PRKAR1B: variants seen among roughly 807,000 people sequenced by gnomAD.
PRKAR1B encodes protein kinase cAMP-dependent type I regulatory subunit beta.
A neutral mutation model predicts 46.5 loss-of-function variants in PRKAR1B; 22 were observed. That is an observed-to-expected ratio of 0.47 (90% CI 0.34 to 0.68). The LOEUF (loss-of-function observed/expected upper bound fraction) is 0.68, where lower values mean the gene tolerates loss of function less well. Ranked by LOEUF, PRKAR1B falls within the 30% of genes least tolerant of loss-of-function variation. The probability of loss-of-function intolerance (pLI) is 0.01; values close to 1 mark genes in which losing one functional copy is unlikely to be tolerated. For synonymous variants in PRKAR1B, 259 were observed against 217.7 expected, an observed-to-expected ratio of 1.19 and a Z score of -1.67; for missense variants, 445 against 535.6, an observed-to-expected ratio of 0.83 and a Z score of 1.67.
intron 8 of PRKAR1B, among the ~76,000 whole-genome samples, chr7:583,535 TCA>T (rs1234269385): frequency 1.1e-4 from 12 of 107,868 alleles, no homozygotes; most frequent in South Asian, 2.8e-4. Context: ...ACACACCCAC[TCA>T]CACACGTGCC....
intron 2 of PRKAR1B, among the ~76,000 whole-genome samples, chr7:693,132 C>T (rs1779530095): frequency 1.3e-5 from 2 of 151,882 alleles, no homozygotes; most frequent in Non-Finnish European, 2.9e-5. Flanking sequence ...ACAGGGTTTC[C>T]CCATGTTGGC....
chr7:558,452 A>T (rs1778588377), intron 9 of PRKAR1B, among the ~76,000 whole-genome samples: 1 of 151,810 alleles, frequency 6.6e-6, no homozygotes, highest in Admixed American at 6.6e-5. Flanking sequence ...GGCAGGTATG[A>T]CTTTGATCAG....
chr7:642,586 G>A (rs1287240165), intron 4 of PRKAR1B, among the ~76,000 whole-genome samples: 23 of 151,424 alleles, frequency 1.5e-4, no homozygotes, highest in Admixed American at 1.4e-3. Context: ...TTAGCCGGGC[G>A]TAGTGGCGGG....
intron 4 of PRKAR1B, among the ~76,000 whole-genome samples, chr7:650,984 T>C (rs972983629): frequency 1.3e-5 from 2 of 151,750 alleles, no homozygotes; most frequent in African/African-American, 2.4e-5. Context: ...CATCATCACC[T>C]CTCTGGACCA....
chr7:725,399 A>T (rs1781223337), intron 1 of PRKAR1B, among the ~76,000 whole-genome samples: 1 of 152,198 alleles, frequency 6.6e-6, no homozygotes, highest in East Asian at 1.9e-4. Context: ...CCTGGTTTGC[A>T]GTGAGTGCTG....
At chr7:614,668 T>C (rs531190629) in intron 4 of PRKAR1B, among the ~76,000 whole-genome samples, 6 of 152,238 alleles carry the variant, frequency 3.9e-5, no homozygotes, top group South Asian at 2.1e-4. Context: ...TCCCAGCACT[T>C]TGGGAGGCCG....
intron 4 of PRKAR1B, among the ~76,000 whole-genome samples, chr7:668,433 C>A (rs1047628682): frequency 6.6e-6 from 1 of 152,206 alleles, no homozygotes; most frequent in African/African-American, 2.4e-5. Context: ...CAGCCTGTTT[C>A]TTTAGAGACC....
intron 2 of PRKAR1B, chr7:691,604 G>A (rs969473386): frequency 9.2e-5 from 120 of 1,304,008 alleles, no homozygotes; most frequent in Non-Finnish European, 1.1e-4. Flanking sequence ...CCAAAGTGAG[G>A]TGGACGCCCT....
intron 4 of PRKAR1B, among the ~76,000 whole-genome samples, chr7:643,423 A>G (rs1562584537): frequency 6.6e-6 from 1 of 151,470 alleles, no homozygotes; most frequent in African/African-American, 2.5e-5. Flanking sequence ...CAGCTCACTC[A>G]TAAAAAGTCA....
chr7:725,110 A>G (rs1173076072), intron 1 of PRKAR1B, among the ~76,000 whole-genome samples: 1 of 151,612 alleles, frequency 6.6e-6, no homozygotes, highest in Non-Finnish European at 1.5e-5. Context: ...GCTACTTGGG[A>G]GGCTGAGGCA....
chr7:595,227 C>G (rs781007227), intron 7 of PRKAR1B, among the ~76,000 whole-genome samples: 1 of 152,200 alleles, frequency 6.6e-6, no homozygotes, highest in Admixed American at 6.5e-5. Flanking sequence ...TCGGCCCTCA[C>G]GCTCCTGGGC....
intron 6 of PRKAR1B, among the ~76,000 whole-genome samples, chr7:597,585 C>G (rs531024474): frequency 6.6e-6 from 1 of 152,220 alleles, no homozygotes; most frequent in Non-Finnish European, 1.5e-5. Context: ...AGTACCCACC[C>G]GCGCGTGCAG....
intron 9 of PRKAR1B, among the ~76,000 whole-genome samples, chr7:573,511 C>T (rs1562528646): frequency 6.6e-6 from 1 of 152,128 alleles, no homozygotes; most frequent in African/African-American, 2.4e-5. Context: ...GACCCCAGCA[C>T]CCCTCCTGGG....
At position 648,153 on chromosome 7, in the gene PRKAR1B, A is replaced by T. The variant is rs113441640; in HGVS notation, c.440+29076T>A. Among the ~76,000 whole-genome samples the T allele has an allele frequency of 4.2e-3, 613 of 145,238 alleles. 5 individuals carry two copies. Among genetic ancestry groups the T allele is most frequent in the African/African-American group, 0.014 (568 of 39,944 alleles). The stretch of plus-strand genomic sequence containing the variant: ...ATATCGAGACTCTACCTCCAAAATT[A>T]AAAAAAAAAAAATCTTAAACTACGT... On this transcript the variant is annotated intron_variant, in intron 4 of 10. Coordinates refer to ENST00000537384, the MANE Select transcript of PRKAR1B (RefSeq NM_001164760.2).
At chr7:699,239 G>A (rs1031208708) in intron 2 of PRKAR1B, among the ~76,000 whole-genome samples, 10 of 150,892 alleles carry the variant, frequency 6.6e-5, no homozygotes, top group African/African-American at 2.2e-4. Context: ...CCAAGCACCC[G>A]TTTTCTCATT....
rs147399956 is a variant in PRKAR1B, at chr7:722,096, C to CTTTTTT, written c.-23+5108_-23+5113dup. ...TCATTGAATTGGGGGAGTTTTCAGC[C>CTTTTTT]TTTTTTTTTTTTTTTTTTTTTTGAG... On this transcript the variant is annotated intron_variant, in intron 1 of 10. Transcript: ENST00000537384. Among the ~76,000 whole-genome samples the CTTTTTT allele has an allele frequency of 4.1e-4, 38 of 92,344 alleles. 1 individual carries two copies. The highest frequency in any genetic ancestry group is 7.6e-4 in the East Asian group (2 of 2,640). 60.6% of individuals were successfully genotyped at this position (92,344 alleles called of 152,430 possible).
intron 6 of PRKAR1B, among the ~76,000 whole-genome samples, chr7:603,678 G>A (rs957618794): frequency 1.3e-5 from 2 of 149,484 alleles, no homozygotes; most frequent in South Asian, 2.1e-4. Context: ...GAGGTGACAC[G>A]GTGACACCAG....
chr7:676,461 C>CG (rs1157841811), intron 4 of PRKAR1B, among the ~76,000 whole-genome samples: 2 of 152,282 alleles, frequency 1.3e-5, no homozygotes, highest in African/African-American at 4.8e-5. Flanking sequence ...AGCTTAGCAA[C>CG]GGCAAGGTAT....
In PRKAR1B at chr7:581,760, G is replaced by A. The variant is rs1049391792; in HGVS notation, c.770-2383C>T. 3.3e-5 allele frequency among the ~76,000 whole-genome samples: 5 copies of A among 152,114 alleles called. No homozygotes were observed. In the South Asian group the frequency reaches 1.0e-3, roughly 32 times the overall value. ...AGACAGGGTCTCGCTCTGTCACCCA[G>A]CCTGGAGTGCAGTGGCGTGATCACG... On this transcript the variant is annotated intron_variant, in intron 8 of 10. Transcript: ENST00000537384.
Sources: allele counts gnomAD v4.1 joint callset (sites outside exome capture counted in the v4.1 genomes callset), GRCh38; gene constraint gnomAD v4.1.1; transcripts MANE v1.5; gene names NCBI Gene and HGNC (gene_info 2026-07-23, HGNC 2026-07-21).